The following OBSL1 variants were observed in gnomAD, a reference collection of about 807,000 sequenced individuals.
OBSL1 encodes the protein obscurin like cytoskeletal adaptor 1, also known as obscurin-like protein 1.
OBSL1 carries 160 observed loss-of-function variants against 172.0 expected under a neutral mutation model. The ratio of observed to expected loss-of-function variants is 0.93; its 90% CI spans 0.82 to 1.06. The LOEUF (loss-of-function observed/expected upper bound fraction) is 1.06. Among genes scored for constraint, OBSL1 ranks in the 50% least tolerant of loss-of-function variants. The pLI is 0.00. For missense variants in OBSL1, 2,681 were observed against 2,715.4 expected, an observed-to-expected ratio of 0.99 and a Z score of 0.28; for synonymous variants, 1,200 against 1,196.3, an observed-to-expected ratio of 1.00 and a Z score of -0.06.
At chr2:219,562,856 A>C in intron 7 of OBSL1, 182 bp from the exon 8 acceptor site, 1 of 670,002 alleles carries the variant, frequency 1.5e-6, no homozygotes, top group Non-Finnish European at 2.5e-6. Flanking sequence ...AGCTGTCACA[A>C]AAGCACAGCA....
downstream of OBSL1, chr2:219,548,139 G>C: frequency 1.4e-6 from 2 of 1,419,804 alleles, no homozygotes; most frequent in East Asian, 2.5e-5. Flanking sequence ...GGATGGGTTG[G>C]GGGCCAAGTG....
At chr2:219,559,876 TCTTA>T (rs2106049829) in intron 8 of OBSL1, among the ~76,000 whole-genome samples, 1 of 152,298 alleles carries the variant, frequency 6.6e-6, no homozygotes, top group East Asian at 1.9e-4. Flanking sequence ...GACACTCATA[TCTTA>T]TAGATATACA....
At chr2:219,563,250 C>A in intron 7 of OBSL1, 105 bp downstream of exon 7, 1 of 1,186,486 alleles carries the variant, frequency 8.4e-7, no homozygotes, top group Non-Finnish European at 1.2e-6. Context: ...AGGGGGAGGG[C>A]AGTAGGGGCG....
At chr2:219,561,626 A>C (rs563184348) in intron 8 of OBSL1, 2 of 428,676 alleles carry the variant, frequency 4.7e-6, no homozygotes, top group African/African-American at 2.9e-5. Flanking sequence ...CGTGTGTGGA[A>C]GGGTGACTTT....
rs200771559 is a variant in OBSL1 at position 219,558,241 on chromosome 2, C to T, written c.3445G>A (p.Gly1149Arg). Residue 1149 changes from glycine (G) to arginine (R), a missense_variant, in exon 10 of 21, where the codon GGG becomes AGG. Gly to Arg is a moderately radical substitution (Grantham distance 125). Coordinates refer to ENST00000404537, the MANE Select transcript of OBSL1 (RefSeq NM_015311.3). ...TGCCGGGTCTCACACACATACTCCCCGGCGTCCTCAGGCTGGGCGTGGGGC... is the reference window on the plus strand; with the variant it reads ...TGCCGGGTCTCACACACATACTCCCTGGCGTCCTCAGGCTGGGCGTGGGGC... ...TLPHAQPEDA[G>R]EYVCETRHEA... 63 of 1,610,436 alleles carry T rather than the reference C, an allele frequency of 3.9e-5. No homozygotes were observed. Among genetic ancestry groups the T allele is most frequent in the Admixed American group, 8.4e-5 (5 of 59,604 alleles).
intron 1 of OBSL1, among the ~76,000 whole-genome samples, chr2:219,569,808 T>A (rs1697203470): frequency 6.6e-6 from 1 of 152,364 alleles, no homozygotes; most frequent in East Asian, 1.9e-4. Context: ...GTTATATACG[T>A]AGACTCAGCA....
chr2:219,552,835 C>G, intron 17 of OBSL1, 33 bp downstream of exon 17: 1 of 1,540,740 alleles, frequency 6.5e-7, no homozygotes, highest in Non-Finnish European at 8.7e-7. Flanking sequence ...GCGCCCAAAG[C>G]AGTGCCCAGC....
intron 8 of OBSL1, chr2:219,562,072 C>A: frequency 1.4e-6 from 1 of 707,064 alleles, no homozygotes; most frequent in South Asian, 1.5e-5. Context: ...GTTTGCGACC[C>A]CTGGTTAACA....
rs61732790 is a variant in OBSL1, at chr2:219,562,532, G to C, written c.2823C>G (p.Ser941Arg). 2 of 1,613,926 alleles carry C rather than the reference G, an allele frequency of 1.2e-6. No individual in the cohort carries two copies. Among genetic ancestry groups the C allele is most frequent in the Non-Finnish European group, 1.7e-6 (2 of 1,179,872 alleles). ...CTTCCTTCTGCAGGAGCAGCGCGGG[G>C]CTCTCCACCACCTCCTCTCCATCCT... ...WTKDGEEVVESPALLLQKEDT... is the reference protein window; with the variant it reads ...WTKDGEEVVERPALLLQKEDT... The change falls in exon 8 of 21, where the codon AGC becomes AGG. Residue 941 changes from serine to arginine, a missense_variant. Around this residue, in one of 5 missense-constraint regions of OBSL1, gnomAD observed 1,765 missense variants for 1,748.3 expected, o/e 1.01. Transcript: ENST00000404537.
rs1423503683 is a variant in OBSL1 at position 219,570,292 on chromosome 2, C to T, written c.941G>A (p.Arg314His). ...GCGCGCGGCGCAGACGTAGAGCCCA[C>T]GATCCTTGGCCTGGCAGTAAAGCAC... is the stretch of plus-strand genomic sequence containing the variant. ...LKVLYCQAKD[R>H]GLYVCAARNS... Residue 314 changes from arginine to histidine, a missense_variant, in exon 1 of 21, where the codon CGT (arginine) becomes CAT (histidine). Arg to His is a conservative substitution (Grantham distance 29, BLOSUM62 0). Transcript: ENST00000404537. The T allele has an allele frequency of 3.7e-6, 6 of 1,608,598 alleles. No homozygotes were observed. The highest frequency in any genetic ancestry group is 5.1e-6 in the Non-Finnish European group (6 of 1,176,420).
At chr2:219,547,232 C>G (rs1695407413), downstream of OBSL1, 1 of 343,544 alleles carries the variant, frequency 2.9e-6, no homozygotes, top group South Asian at 1.3e-4. Context: ...AAGATTTATC[C>G]TAACTCCTGT....
Position 219,551,725 on chromosome 2 carries a change from C to T in OBSL1, c.5487G>A (p.Glu1829=), listed in dbSNP as rs201113762. 2.2e-4 allele frequency: 352 copies of T among 1,604,928 alleles called. No homozygotes were observed. Among genetic ancestry groups the T allele is most frequent in the Non-Finnish European group, 2.9e-4 (343 of 1,174,734 alleles). ...GGCCCCCCGAGCGGGACACAGTCACCTCCAGCACCGCCCGGCGGCCCACCA... is the reference window on the plus strand; with the variant it reads ...GGCCCCCCGAGCGGGACACAGTCACTTCCAGCACCGCCCGGCGGCCCACCA... The part of the protein sequence containing the change: ...TVLVGRRAVL[E]VTVSRSGGHV... Residue 1829 remains glutamate (E), a synonymous_variant, in exon 20 of 21, where the codon GAG becomes GAA. Transcript: ENST00000404537.
Position 219,565,462 on chromosome 2 carries a change from T to G in OBSL1, c.2187A>C (p.Thr729=). 6.2e-7 allele frequency: 1 copy of G among 1,613,024 alleles called. No individual in the cohort carries two copies. Among genetic ancestry groups the G allele is most frequent in the Middle Eastern group, 1.6e-4 (1 of 6,062 alleles). ...SPQDRVSLTF[T]TSERVVLTCE... ...AAGTCAGCACCACCCGCTCTGAGGT[T>G]GTGAAGGTCAACGACACCCTGTCCT... The change falls in exon 6 of 21, where the codon ACA becomes ACC. Residue 729 remains threonine, a synonymous_variant. Transcript: ENST00000404537.
At chr2:219,561,964 A>G (rs1353398807) in intron 8 of OBSL1, 2 of 717,490 alleles carry the variant, frequency 2.8e-6, no homozygotes, top group Non-Finnish European at 5.2e-6. Context: ...AAGAGGACGC[A>G]TAACTCCGGA....
downstream of OBSL1, chr2:219,549,015 G>A (rs1049964412): frequency 4.5e-6 from 4 of 880,006 alleles, no homozygotes; most frequent in African/African-American, 3.4e-5. Context: ...AGGAAAGGAA[G>A]TGACAGGGTG....
At position 219,570,250 on chromosome 2, in the gene OBSL1, G is replaced by T. The variant is rs776306872; in HGVS notation, c.983C>A (p.Thr328Lys). The change falls in exon 1 of 21, where the codon ACG (threonine) becomes AAG (lysine). Residue 328 changes from threonine to lysine, a missense_variant. By Grantham distance (78) the Thr-to-Lys change is moderately conservative (BLOSUM62 -1). This residue lies in a region of OBSL1 where 706 missense variants were observed against 695.8 expected (regional missense o/e 1.01). Transcript: ENST00000404537. The stretch of plus-strand genomic sequence containing the variant: ...CACGTGCAGCTGCACGGCACTGAGC[G>T]TCTGGCCCGCCGAGTTGCGCGCGGC... ...VCAARNSAGQ[T>K]LSAVQLHVKE... 1.3e-6 allele frequency: 2 copies of T among 1,584,742 alleles called. No individual in the cohort carries two copies. Among genetic ancestry groups the T allele is most frequent in the Non-Finnish European group, 1.7e-6 (2 of 1,163,448 alleles).
Position 219,552,195 on chromosome 2 carries a change from A to G in OBSL1, c.5330T>C (p.Leu1777Pro). The G allele has an allele frequency of 5.6e-6, 9 of 1,608,456 alleles. No individual in the cohort carries two copies. Among genetic ancestry groups the G allele is most frequent in the Non-Finnish European group, 7.6e-6 (9 of 1,177,950 alleles). Residue 1777 changes from leucine to proline, a missense_variant, in exon 19 of 21, where the codon CTT (leucine) becomes CCT (proline). Physicochemically the swap from Leu to Pro is moderately conservative, Grantham distance 98. This residue lies in a region of OBSL1 where 1,765 missense variants were observed against 1,748.3 expected (regional missense o/e 1.01). Transcript: ENST00000404537. The part of the protein sequence containing the change: ...RQEGKKHILV[L>P]SELRAEDAGE... ...GGCGTCCTCGGCGCGCAGCTCGCTA[A>G]GCACCAGAATGTGTTTCTTCCCTGG... is the stretch of plus-strand genomic sequence containing the variant.
intron 14 of OBSL1, chr2:219,555,562 G>A: frequency 2.2e-6 from 2 of 899,546 alleles, no homozygotes; most frequent in South Asian, 9.9e-5. Flanking sequence ...TTATAGGCGT[G>A]AGCCACTGCA....
chr2:219,549,863 G>C, downstream of OBSL1: 1 of 1,613,338 alleles, frequency 6.2e-7, no homozygotes, highest in Non-Finnish European at 8.5e-7. Flanking sequence ...AGCCATATCT[G>C]TCTGTCTAGA....
Sources: allele counts gnomAD v4.1 joint callset (sites outside exome capture counted in the v4.1 genomes callset), GRCh38; gene constraint gnomAD v4.1.1; regional missense constraint gnomAD v4.1.1; transcripts MANE v1.5; gene names NCBI Gene and HGNC (gene_info 2026-07-23, HGNC 2026-07-21).